KIF26B: variants seen among roughly 807,000 people sequenced by gnomAD.
KIF26B encodes kinesin-like protein KIF26B.
Under a neutral mutation model 151.2 loss-of-function variants are expected in KIF26B, and 63 were observed. The ratio of observed to expected loss-of-function variants is 0.42; its 90% CI spans 0.34 to 0.51. KIF26B has a LOEUF of 0.51. Among genes scored for constraint, KIF26B ranks in the 20% least tolerant of loss-of-function variants. KIF26B has a pLI of 0.07. For synonymous variants in KIF26B, 1,357 were observed against 1,262.1 expected (o/e 1.08, Z -1.59); for missense variants, 2,813 against 2,913.6 (o/e 0.97, Z 0.79).
chr1:245,622,440 A>G (rs909456837), intron 9 of KIF26B, among the ~76,000 whole-genome samples: 17 of 152,130 alleles, frequency 1.1e-4, no homozygotes, highest in Non-Finnish European at 4.4e-5. Flanking sequence ...TTTTCATCCT[A>G]CAGCATGAGC....
chr1:245,514,412 C>G (rs915745193), intron 4 of KIF26B, among the ~76,000 whole-genome samples: 13 of 151,962 alleles, frequency 8.6e-5, no homozygotes, highest in Admixed American at 5.9e-4. Context: ...GTCTGTAGTC[C>G]CAGCTACTCA....
At chr1:245,308,057 T>C (rs962040248) in intron 2 of KIF26B, among the ~76,000 whole-genome samples, 1 of 152,190 alleles carries the variant, frequency 6.6e-6, no homozygotes, top group Non-Finnish European at 1.5e-5. Context: ...CTGACTCGTT[T>C]CTATTACTCT....
intron 4 of KIF26B, among the ~76,000 whole-genome samples, chr1:245,432,259 C>T (rs1403306931): frequency 1.3e-5 from 2 of 152,154 alleles, no homozygotes; most frequent in African/African-American, 4.8e-5. Flanking sequence ...TTTTCCCACT[C>T]AGTTCAAACC....
At chr1:245,295,652 G>C (rs1391801023) in intron 2 of KIF26B, among the ~76,000 whole-genome samples, 1 of 152,186 alleles carries the variant, frequency 6.6e-6, no homozygotes, top group Non-Finnish European at 1.5e-5. Context: ...ACTGGGAAGA[G>C]ATCATTTGAA....
intron 3 of KIF26B, among the ~76,000 whole-genome samples, chr1:245,373,256 C>T (rs1010859834): frequency 2.6e-5 from 4 of 152,110 alleles, no homozygotes; most frequent in African/African-American, 9.7e-5. Flanking sequence ...CATGACTGGC[C>T]CTAGTTTAGG....
rs1263040779 is a variant in KIF26B, at chr1:245,516,961, C to A, written c.1167-23806C>A. Among the ~76,000 whole-genome samples the A allele has an allele frequency of 6.6e-6, 1 of 152,232 alleles. No individual in the cohort carries two copies. ...GCTCCACGGCTGCTGCTTTCACCCCCACCTGACCATGGTCGCAGTGGGGGG... is the reference window on the plus strand; with the variant it reads ...GCTCCACGGCTGCTGCTTTCACCCCAACCTGACCATGGTCGCAGTGGGGGG... On this transcript the variant is annotated intron_variant, in intron 4 of 14. Coordinates refer to ENST00000407071, the MANE Select transcript of KIF26B (RefSeq NM_018012.4). The surrounding 1 kb of genome is among the most constrained non-coding windows in gnomAD (Gnocchi z 4.2).
Position 245,602,832 on chromosome 1 carries a change from A to G in KIF26B, c.1557+49A>G. 6.4e-7 allele frequency: 1 copy of G among 1,551,754 alleles called. No homozygotes were observed. Among genetic ancestry groups the G allele is most frequent in the Non-Finnish European group, 8.9e-7 (1 of 1,125,042 alleles). ...CTCAGGCAACGTTGATGAAAGGGCAACGTTTACTCATTCACAAGGGCCCTT... is the reference window on the plus strand; with the variant it reads ...CTCAGGCAACGTTGATGAAAGGGCAGCGTTTACTCATTCACAAGGGCCCTT... On this transcript the variant is annotated intron_variant, in intron 6 of 14. Transcript: ENST00000407071. The surrounding 1 kb of genome is among the most constrained non-coding windows in gnomAD (Gnocchi z 4.5).
intron 2 of KIF26B, among the ~76,000 whole-genome samples, chr1:245,246,824 A>G (rs577021388): frequency 9.2e-5 from 14 of 151,932 alleles, no homozygotes; most frequent in African/African-American, 2.9e-4. Context: ...AGACATTATA[A>G]TATATATAGA....
chr1:245,402,493 G>A (rs1674031128), intron 3 of KIF26B, among the ~76,000 whole-genome samples: 1 of 152,154 alleles, frequency 6.6e-6, no homozygotes, highest in Admixed American at 6.5e-5. Flanking sequence ...AGAATTTGAA[G>A]ATAAAGCATC....
chr1:245,268,506 TAATAATAATAAA>T (rs1670791669), intron 2 of KIF26B, among the ~76,000 whole-genome samples: 1 of 70,078 alleles, frequency 1.4e-5, no homozygotes, highest in East Asian at 6.2e-4. Context: ...ATAATAATAA[TAATAATAATAAA>T]GTTTTTTTTT....
chr1:245,313,373 G>A (rs1671701182), intron 2 of KIF26B, among the ~76,000 whole-genome samples: 1 of 152,214 alleles, frequency 6.6e-6, no homozygotes, highest in African/African-American at 2.4e-5. Flanking sequence ...AGGGAAAGCA[G>A]ACTGAAGAGC....
At chr1:245,271,271 TG>T (rs141286146) in intron 2 of KIF26B, among the ~76,000 whole-genome samples, 1,678 of 152,334 alleles carry the variant, frequency 0.011, 35 homozygotes, top group Admixed American at 0.041. Context: ...ATTTTAGGAC[TG>T]TTTTTTTCTA....
intron 9 of KIF26B, among the ~76,000 whole-genome samples, chr1:245,640,883 A>T (rs2043884789): frequency 6.6e-6 from 1 of 152,178 alleles, no homozygotes; most frequent in African/African-American, 2.4e-5. Context: ...CAAAAATTTT[A>T]TAGTTGTTAT....
intron 2 of KIF26B, among the ~76,000 whole-genome samples, chr1:245,273,272 G>A (rs1379760679): frequency 6.6e-6 from 1 of 152,048 alleles, no homozygotes; most frequent in African/African-American, 2.4e-5. Flanking sequence ...ACAAAAATTA[G>A]CTGGATGTTG....
rs1372033764 is a variant in KIF26B at position 245,170,955 on chromosome 1, G to T, written c.465+14272G>T. On this transcript the variant is annotated intron_variant, in intron 2 of 14. Coordinates refer to ENST00000407071, the MANE Select transcript of KIF26B (RefSeq NM_018012.4). This position sits in a 1 kb window ranked among gnomAD's most constrained non-coding sequence, Gnocchi z 4.4. Reference sequence around the variant, plus strand: ...TTCTGCACTGTCTCCATTATTTGGTGAGATGGTAACATGTGATTACATCCC... The same window carrying T: ...TTCTGCACTGTCTCCATTATTTGGTTAGATGGTAACATGTGATTACATCCC... Among the ~76,000 whole-genome samples the T allele has an allele frequency of 6.6e-6, 1 of 152,196 alleles. No homozygotes were observed. Among genetic ancestry groups the T allele is most frequent in the African/African-American group, 2.4e-5 (1 of 41,450 alleles).
Position 245,705,265 on chromosome 1 carries a change from CTCTCT to C in KIF26B, c.*2666_*2670del. 6.6e-6 allele frequency: 1 copy of C among 152,198 alleles called. No individual in the cohort carries two copies. The highest frequency in any genetic ancestry group is 1.5e-5 in the Non-Finnish European group (1 of 68,048). 9.4% of individuals were successfully genotyped at this position (152,198 alleles called of 1,614,324 possible). ...TTTATGTTGATGTTGTCCATTCTCT[CTCTCT>C]TCTCTTTGCTTTTTTTTGACCTAAA... On this transcript the variant is annotated 3_prime_UTR_variant, in exon 15 of 15. Transcript: ENST00000407071.
intron 10 of KIF26B, among the ~76,000 whole-genome samples, chr1:245,657,696 C>T (rs1180125278): frequency 6.6e-6 from 1 of 152,176 alleles, no homozygotes; most frequent in African/African-American, 2.4e-5. Flanking sequence ...GATGCCGATT[C>T]TTCTGCTTCC....
chr1:245,481,609 GA>G (rs1445028699), intron 4 of KIF26B, among the ~76,000 whole-genome samples: 1 of 151,856 alleles, frequency 6.6e-6, no homozygotes, highest in African/African-American at 2.4e-5. Context: ...TAATATTTGA[GA>G]ATTCTTTATT....
intron 3 of KIF26B, among the ~76,000 whole-genome samples, chr1:245,385,845 G>A (rs144282068): frequency 9.2e-5 from 14 of 152,290 alleles, no homozygotes; most frequent in Admixed American, 6.5e-5. Flanking sequence ...GAAGGGTTGC[G>A]TGTGTGAAGG....
Sources: gnomAD v4.1 joint callset for allele counts (sites outside exome capture counted in the v4.1 genomes callset) on GRCh38, gnomAD v4.1.1 for gene constraint, Gnocchi (gnomAD v3.1) non-coding constraint, MANE v1.5 for transcripts, NCBI Gene and HGNC (gene_info 2026-07-23, HGNC 2026-07-21) for gene names.